Variants in GLRA2 observed in about 807,000 individuals in gnomAD.
GLRA2 encodes the protein glycine receptor subunit alpha-2.
In GLRA2, 11 loss-of-function variants were observed where a neutral mutation model predicts 31.6. The ratio of observed to expected loss-of-function variants is 0.35; its 90% CI spans 0.22 to 0.58. The LOEUF is 0.58. Among genes scored for constraint, GLRA2 ranks in the 20% least tolerant of loss-of-function variants. GLRA2 has a pLI of 0.84. For synonymous variants in GLRA2, 132 were observed against 134.0 expected, an observed-to-expected ratio of 0.99 and a Z score of 0.10; for missense variants, 212 against 351.8, an observed-to-expected ratio of 0.60 and a Z score of 3.18.
chrX:14,451,143 G>A, the GLRA2 span, among the ~76,000 whole-genome samples: 11 of 111,630 alleles, frequency 9.9e-5, no homozygotes, highest in African/African-American at 3.6e-4. Context: ...AGATTCTTAA[G>A]ACAGTTCTAA....
intron 3 of GLRA2, among the ~76,000 whole-genome samples, chrX:14,579,175 T>G (rs2089988820): frequency 8.9e-6 from 1 of 112,150 alleles, no homozygotes; most frequent in Non-Finnish European, 1.9e-5. Flanking sequence ...TTAGAATGCA[T>G]GTTGTGCTGT....
At chrX:14,624,159 G>A (rs1206726337) in intron 7 of GLRA2, among the ~76,000 whole-genome samples, 3 of 111,752 alleles carry the variant, frequency 2.7e-5, no homozygotes, top group Non-Finnish European at 5.6e-5. Flanking sequence ...AGTATTCTCT[G>A]ATGGTAGTTT....
intron 8 of GLRA2, among the ~76,000 whole-genome samples, chrX:14,693,500 A>G (rs1465502076): frequency 8.9e-6 from 1 of 112,129 alleles, no homozygotes; most frequent in Non-Finnish European, 1.9e-5. Flanking sequence ...TAAAGAAGAA[A>G]TAGACAAACT....
intron 2 of GLRA2, among the ~76,000 whole-genome samples, chrX:14,570,154 A>G (rs947128297): frequency 8.9e-6 from 1 of 112,048 alleles, no homozygotes; most frequent in Non-Finnish European, 1.9e-5. Context: ...GTGATTGAAA[A>G]GTTTTGGAAA....
intron 2 of GLRA2, among the ~76,000 whole-genome samples, chrX:14,558,536 TATTA>T (rs1471305062): frequency 1.8e-5 from 2 of 111,990 alleles, no homozygotes; most frequent in East Asian, 5.6e-4. Flanking sequence ...CCTGTATAAT[TATTA>T]ATAGCACTCA....
At chrX:14,616,072 A>C (rs2090450543) in intron 7 of GLRA2, among the ~76,000 whole-genome samples, 2 of 111,872 alleles carry the variant, frequency 1.8e-5, no homozygotes, top group Admixed American at 1.9e-4. Flanking sequence ...CTCTAGTGGC[A>C]GACTAAAGGC....
chrX:14,483,615 T>C, the GLRA2 span, among the ~76,000 whole-genome samples: 3 of 111,856 alleles, frequency 2.7e-5, no homozygotes, highest in Non-Finnish European at 5.6e-5. Context: ...TAAATGACAA[T>C]AAACTCCTTA....
chrX:14,472,004 T>C, the GLRA2 span, among the ~76,000 whole-genome samples: 2 of 112,164 alleles, frequency 1.8e-5, no homozygotes, highest in Non-Finnish European at 3.8e-5. Flanking sequence ...TGATGTGGTT[T>C]TGCTGCTTTT....
chrX:14,576,484 C>A (rs1326799491), intron 3 of GLRA2, among the ~76,000 whole-genome samples: 2 of 111,629 alleles, frequency 1.8e-5, no homozygotes, highest in Non-Finnish European at 3.8e-5. Flanking sequence ...AAATCACTGT[C>A]ACCAGCTTTA....
chrX:14,580,589 A>G (rs1008085271), intron 3 of GLRA2, among the ~76,000 whole-genome samples: 3 of 112,345 alleles, frequency 2.7e-5, no homozygotes, highest in Non-Finnish European at 5.6e-5. Context: ...TAGTGTAGAT[A>G]CAACACATTC....
rs1350373139 is a variant in GLRA2 at position 14,731,713 on chromosome X, C to G, written c.*1228C>G. On this transcript the variant is annotated 3_prime_UTR_variant, in exon 9 of 9. Coordinates refer to ENST00000218075, the MANE Select transcript of GLRA2 (RefSeq NM_002063.4). Reference sequence around the variant, plus strand: ...TATTTTTGCTTACTCAGATAAAAGACAACCTGTAAAAATATAATAATTAAA... The same window carrying G: ...TATTTTTGCTTACTCAGATAAAAGAGAACCTGTAAAAATATAATAATTAAA... The G allele has an allele frequency of 9.0e-6, 1 of 111,557 alleles. No homozygotes were observed. The highest frequency in any genetic ancestry group is 1.9e-5 in the Non-Finnish European group (1 of 53,078). The allele number at this position is 111,557 out of a possible 1,213,427, so 9.2% of individuals were successfully genotyped here.
chrX:14,537,748 G>T (rs1601688602), intron 2 of GLRA2, among the ~76,000 whole-genome samples: 1 of 110,376 alleles, frequency 9.1e-6, no homozygotes, highest in African/African-American at 3.3e-5. Flanking sequence ...CACTGGGGAA[G>T]AATATTGATG....
At chrX:14,706,276 G>T (rs1308782190) in intron 8 of GLRA2, among the ~76,000 whole-genome samples, 1 of 111,440 alleles carries the variant, frequency 9.0e-6, no homozygotes, top group African/African-American at 3.3e-5. Context: ...AAAAATAACA[G>T]GATTCTCAGG....
chrX:14,613,113 A>C (rs1187195972), intron 7 of GLRA2, among the ~76,000 whole-genome samples: 1 of 111,725 alleles, frequency 9.0e-6, no homozygotes, highest in Non-Finnish European at 1.9e-5. Context: ...CCTTAAAAAA[A>C]TTAAATGAGG....
At chrX:14,636,115 T>C (rs1389616021) in intron 7 of GLRA2, among the ~76,000 whole-genome samples, 2 of 111,875 alleles carry the variant, frequency 1.8e-5, no homozygotes, top group South Asian at 3.7e-4. Context: ...CATACTGATA[T>C]AAATAAATGA....
chrX:14,626,352 A>G (rs1242760458), intron 7 of GLRA2, among the ~76,000 whole-genome samples: 2 of 112,170 alleles, frequency 1.8e-5, no homozygotes, highest in Non-Finnish European at 3.8e-5. Context: ...TATTTTCTAG[A>G]CTGTGAAATC....
intron 2 of GLRA2, among the ~76,000 whole-genome samples, chrX:14,554,767 A>G (rs748283386): frequency 8.9e-6 from 1 of 112,095 alleles, no homozygotes; most frequent in Non-Finnish European, 1.9e-5. Context: ...AGATAAAAAT[A>G]TTGAAATAAA....
At chrX:14,578,155 T>G (rs2089977176) in intron 3 of GLRA2, among the ~76,000 whole-genome samples, 1 of 112,212 alleles carries the variant, frequency 8.9e-6, no homozygotes. Flanking sequence ...ATTATCCAAA[T>G]AGCATTATTA....
At chrX:14,674,862 ATTG>A (rs1222082809) in intron 7 of GLRA2, among the ~76,000 whole-genome samples, 2 of 110,344 alleles carry the variant, frequency 1.8e-5, no homozygotes, top group Non-Finnish European at 3.8e-5. Flanking sequence ...CCCAAAGCCC[ATTG>A]TTGTCTTTCC....
Sources: gnomAD v4.1 joint callset for allele counts (sites outside exome capture counted in the v4.1 genomes callset) on GRCh38, gnomAD v4.1.1 for gene constraint, MANE v1.5 for transcripts, NCBI Gene and HGNC (gene_info 2026-07-23, HGNC 2026-07-21) for gene names.